Variants in GALNT2 observed in about 807,000 individuals in gnomAD.
GALNT2 encodes polypeptide N-acetylgalactosaminyltransferase 2.
GALNT2 carries 31 observed loss-of-function variants against 81.4 expected under a neutral mutation model. The observed-to-expected ratio is 0.38, with a 90% confidence interval of 0.29 to 0.51. The LOEUF (loss-of-function observed/expected upper bound fraction) is 0.51. Among genes scored for constraint, GALNT2 ranks in the 20% least tolerant of loss-of-function variants. The probability of loss-of-function intolerance (pLI) is 0.87; values close to 1 mark genes in which losing one functional copy is unlikely to be tolerated. For synonymous variants in GALNT2, 303 were observed against 287.4 expected (o/e 1.05, Z -0.55); for missense variants, 629 against 765.7 (o/e 0.82, Z 2.11).
intron 1 of GALNT2, among the ~76,000 whole-genome samples, chr1:230,129,572 G>A (rs1307647424): frequency 2.6e-5 from 4 of 152,120 alleles, no homozygotes; most frequent in African/African-American, 7.2e-5. Context: ...TTCCCCTCTC[G>A]GCCTACCAAA....
chr1:230,164,539 T>C (rs1428839732), intron 1 of GALNT2, among the ~76,000 whole-genome samples: 2 of 151,422 alleles, frequency 1.3e-5, no homozygotes, highest in African/African-American at 4.9e-5. Context: ...GGGCCCTTTT[T>C]CTTTTTTTTT....
chr1:230,243,520 G>A lies in GALNT2; in HGVS notation c.729+93G>A, dbSNP rs2102741984. 1.3e-6 allele frequency: 2 copies of A among 1,489,360 alleles called. No individual in the cohort carries two copies. The highest frequency in any genetic ancestry group is 5.0e-5 in the East Asian group (2 of 40,378). The allele number at this position is 1,489,360 out of a possible 1,614,324, so 92.3% of individuals were successfully genotyped here. A position where few individuals can be genotyped will look rare whatever the true frequency, so the allele number is the denominator to read the frequency against. Reference sequence around the variant, plus strand: ...TGGTCCAGGGGAGGTGTAACGCAGGGAGTAGGGCGTCAGGGCTGGTAGGGG... The same window carrying A: ...TGGTCCAGGGGAGGTGTAACGCAGGAAGTAGGGCGTCAGGGCTGGTAGGGG... On this transcript the variant is annotated intron_variant, in intron 7 of 15. Coordinates refer to ENST00000366672, the MANE Select transcript of GALNT2 (RefSeq NM_004481.5). This position sits in a 1 kb window ranked among gnomAD's most constrained non-coding sequence, Gnocchi z 4.2.
In GALNT2 at chr1:230,262,583, C is replaced by T. The variant is rs374726944; in HGVS notation, c.1147C>T (p.Arg383Trp). Residue 383 changes from arginine (R) to tryptophan (W), a missense_variant, in exon 12 of 16, where the codon CGG becomes TGG. By Grantham distance (101) the Arg-to-Trp change is moderately radical. Coordinates refer to ENST00000366672, the MANE Select transcript of GALNT2 (RefSeq NM_004481.5). ...SGTVFARNTR[R>W]AAEVWMDEYK... ...TTATTTTCTTTCTAGAAACACCCGC[C>T]GGGCAGCAGAGGTCTGGATGGATGA... 2 of 1,613,698 alleles carry T rather than the reference C, an allele frequency of 1.2e-6. No individual in the cohort carries two copies. Among genetic ancestry groups the T allele is most frequent in the Non-Finnish European group, 1.7e-6 (2 of 1,179,650 alleles).
chr1:230,111,361 G>A (rs963776380), intron 1 of GALNT2, among the ~76,000 whole-genome samples: 1 of 152,244 alleles, frequency 6.6e-6, no homozygotes. Context: ...ATACACATGT[G>A]TGCATGGAAC....
intron 2 of GALNT2, among the ~76,000 whole-genome samples, chr1:230,185,289 T>C (rs955320221): frequency 8.8e-6 from 1 of 113,258 alleles, no homozygotes; most frequent in African/African-American, 3.3e-5. Flanking sequence ...TGTGTGTGTG[T>C]GTGTGTGTGT....
At chr1:230,123,572 C>T (rs1280860482) in intron 1 of GALNT2, among the ~76,000 whole-genome samples, 1 of 152,182 alleles carries the variant, frequency 6.6e-6, no homozygotes, top group African/African-American at 2.4e-5. Context: ...TGAGAGCCGA[C>T]TCCACCTTTG....
chr1:230,101,035 A>C (rs1369590430), intron 1 of GALNT2, among the ~76,000 whole-genome samples: 1 of 152,216 alleles, frequency 6.6e-6, no homozygotes, highest in Admixed American at 6.5e-5. Flanking sequence ...GTCACATGCT[A>C]TACAGGTTTG....
At chr1:230,076,147 A>G (rs888986997) in intron 1 of GALNT2, among the ~76,000 whole-genome samples, 1 of 152,146 alleles carries the variant, frequency 6.6e-6, no homozygotes, top group African/African-American at 2.4e-5. Flanking sequence ...TTCCCTTACT[A>G]CAGACCTGCA....
At position 230,281,773 on chromosome 1, in the gene GALNT2, CAG is replaced by C. The variant is rs1230664105; in HGVS notation, c.*2316_*2317del. On this transcript the variant is annotated 3_prime_UTR_variant, in exon 16 of 16. Transcript: ENST00000366672. ...TGCGGTGAGCTATGTTTACATGACA[CAG>C]TGTGCCAAAGTGACTTACTGCGGTT... 2.0e-5 allele frequency: 3 copies of C among 152,598 alleles called. No homozygotes were observed. The highest frequency in any genetic ancestry group is 1.3e-4 in the Admixed American group (2 of 15,284). 9.5% of individuals were successfully genotyped at this position (152,598 alleles called of 1,614,324 possible). A position where few individuals can be genotyped will look rare whatever the true frequency, so the allele number is the denominator to read the frequency against.
At chr1:230,090,258 C>G (rs548274945) in intron 1 of GALNT2, among the ~76,000 whole-genome samples, 30 of 152,292 alleles carry the variant, frequency 2.0e-4, no homozygotes, top group Admixed American at 3.3e-4. Context: ...ATTGGAAATG[C>G]TGGGAACTTT....
intron 14 of GALNT2, among the ~76,000 whole-genome samples, chr1:230,265,584 C>T (rs545398701): frequency 2.2e-4 from 34 of 152,342 alleles, no homozygotes; most frequent in African/African-American, 7.2e-4. Flanking sequence ...TCATCAGCTT[C>T]GGACCAGGCT....
intron 1 of GALNT2, among the ~76,000 whole-genome samples, chr1:230,139,026 A>G (rs924758351): frequency 1.3e-5 from 2 of 152,078 alleles, no homozygotes; most frequent in Non-Finnish European, 1.5e-5. Flanking sequence ...ACCCTATTCA[A>G]GATGGAGTCA....
chr1:230,057,985 T>G, upstream of GALNT2: 1 of 456,054 alleles, frequency 2.2e-6, no homozygotes, highest in South Asian at 1.5e-5. Flanking sequence ...AGGGCTCTGA[T>G]ACAAGAGTGT....
At chr1:230,087,737 C>T (rs199608634) in intron 1 of GALNT2, among the ~76,000 whole-genome samples, 1 of 152,296 alleles carries the variant, frequency 6.6e-6, no homozygotes, top group East Asian at 1.9e-4. Flanking sequence ...TCATGGAGCC[C>T]TTGAATATCT....
intron 14 of GALNT2, among the ~76,000 whole-genome samples, chr1:230,273,235 C>T (rs919870680): frequency 2.0e-5 from 3 of 152,200 alleles, no homozygotes; most frequent in Non-Finnish European, 2.9e-5. Flanking sequence ...ATAATAGTGC[C>T]TGAAGTTGCA....
intron 3 of GALNT2, among the ~76,000 whole-genome samples, chr1:230,203,939 C>T (rs1469019750): frequency 6.6e-5 from 10 of 150,722 alleles, no homozygotes; most frequent in Admixed American, 6.6e-4. Flanking sequence ...ATCCTCCCAT[C>T]TCAGCCTCCT....
At chr1:230,124,658 G>A (rs1194888502) in intron 1 of GALNT2, among the ~76,000 whole-genome samples, 3 of 152,194 alleles carry the variant, frequency 2.0e-5, no homozygotes, top group African/African-American at 7.2e-5. Flanking sequence ...ACAATCTGAA[G>A]TTTTGCAGAT....
chr1:230,093,828 A>G (rs928279669), intron 1 of GALNT2, among the ~76,000 whole-genome samples: 1 of 152,232 alleles, frequency 6.6e-6, no homozygotes, highest in African/African-American at 2.4e-5. Context: ...GTAGTAGGCT[A>G]TACCACCTCG....
At position 230,275,193 on chromosome 1, in the gene GALNT2, A is replaced by G. The variant is rs1421947130; in HGVS notation, c.1560+629A>G. On this transcript the variant is annotated intron_variant, in intron 15 of 15. Transcript: ENST00000366672. The surrounding 1 kb of genome is among the most constrained non-coding windows in gnomAD (Gnocchi z 5.5). ...ACCTGCCACATATATACATATATAA[A>G]CACCACATATATATACATATGCATG... 1.3e-5 allele frequency among the ~76,000 whole-genome samples: 2 copies of G among 151,722 alleles called. No individual in the cohort carries two copies. Among genetic ancestry groups the G allele is most frequent in the Non-Finnish European group, 2.9e-5 (2 of 67,868 alleles).
Sources: gnomAD v4.1 joint callset for allele counts (sites outside exome capture counted in the v4.1 genomes callset) on GRCh38, gnomAD v4.1.1 for gene constraint, Gnocchi (gnomAD v3.1) non-coding constraint, MANE v1.5 for transcripts, NCBI Gene and HGNC (gene_info 2026-07-23, HGNC 2026-07-21) for gene names.